VPS53: variants seen among roughly 807,000 people sequenced by gnomAD.
VPS53 encodes vacuolar protein sorting-associated protein 53 homolog.
VPS53 carries 70 observed loss-of-function variants against 107.0 expected under a neutral mutation model. The ratio of observed to expected loss-of-function variants is 0.65; its 90% CI spans 0.54 to 0.80. VPS53 has a LOEUF of 0.80. Ranked by LOEUF, VPS53 falls within the 30% of genes least tolerant of loss-of-function variation. The pLI, the probability that VPS53 is intolerant of heterozygous loss-of-function variation, is 0.00. For missense variants in VPS53, 917 were observed against 1,049.4 expected, an observed-to-expected ratio of 0.87 and a Z score of 1.74; for synonymous variants, 409 against 393.3, an observed-to-expected ratio of 1.04 and a Z score of -0.47.
rs535041887 is a variant in VPS53 at position 646,144 on chromosome 17, C to G, written c.608+7147G>C. On this transcript the variant is annotated intron_variant, in intron 7 of 21. Transcript: ENST00000437048. ...ATCTCGGTGACCGCGTGGCCTCTGC[C>G]TGATAAGGGTCTTATCTTTTCTAAT... Among the ~76,000 whole-genome samples the G allele has an allele frequency of 7.4e-5, 9 of 121,122 alleles. 1 individual carries two copies. The highest frequency in any genetic ancestry group is 2.6e-4 in the African/African-American group (9 of 35,172). The allele number at this position is 121,122 out of a possible 152,430, so 79.5% of individuals were successfully genotyped here. A position where few individuals can be genotyped will look rare whatever the true frequency, so the allele number is the denominator to read the frequency against.
intron 13 of VPS53, among the ~76,000 whole-genome samples, chr17:583,897 G>A (rs1039031251): frequency 2.9e-5 from 4 of 139,028 alleles, no homozygotes; most frequent in Non-Finnish European, 6.2e-5. Flanking sequence ...CCTCCATCAG[G>A]ACCTCATGCG....
At chr17:592,133 C>T (rs1425943259) in intron 12 of VPS53, among the ~76,000 whole-genome samples, 1 of 152,186 alleles carries the variant, frequency 6.6e-6, no homozygotes, top group South Asian at 2.1e-4. Context: ...GATCCCTTTA[C>T]CATTAAGTAA....
intron 8 of VPS53, 53 bp from the exon 9 acceptor site, chr17:628,284 C>G (rs1969803506): frequency 6.3e-7 from 1 of 1,596,768 alleles, no homozygotes; most frequent in Non-Finnish European, 8.5e-7. Context: ...CTTTAAACCT[C>G]ATGGCTTCTC....
At chr17:534,728 G>C (rs1167984564) in intron 18 of VPS53, among the ~76,000 whole-genome samples, 1 of 152,070 alleles carries the variant, frequency 6.6e-6, no homozygotes, top group African/African-American at 2.4e-5. Flanking sequence ...GACCAGCCTG[G>C]GCAACATGGC....
At chr17:667,045 A>G (rs943337160) in intron 4 of VPS53, among the ~76,000 whole-genome samples, 3 of 152,260 alleles carry the variant, frequency 2.0e-5, no homozygotes, top group Admixed American at 6.5e-5. Context: ...GGCTGTGATC[A>G]CAGAGCAGGC....
At chr17:537,807 A>G (rs1258853861) in intron 17 of VPS53, 2 of 152,254 alleles carry the variant, frequency 1.3e-5, no homozygotes, top group Non-Finnish European at 2.9e-5. Flanking sequence ...CTACTTTTGA[A>G]TATATTCAAA....
chr17:681,972 C>T (rs1245980861), intron 4 of VPS53, among the ~76,000 whole-genome samples: 1 of 152,064 alleles, frequency 6.6e-6, no homozygotes, highest in Non-Finnish European at 1.5e-5. Flanking sequence ...GCATAGGAAT[C>T]GTGGGAGATA....
chr17:552,639 T>C (rs1911947470), intron 16 of VPS53: 1 of 156,572 alleles, frequency 6.4e-6, no homozygotes, highest in South Asian at 2.0e-4. Context: ...TGGCCTTCTG[T>C]GGGTTTAGGT....
At chr17:543,267 T>C (rs956720689) in intron 17 of VPS53, among the ~76,000 whole-genome samples, 6 of 152,226 alleles carry the variant, frequency 3.9e-5, no homozygotes, top group African/African-American at 7.2e-5. Flanking sequence ...TTTTAATGAC[T>C]GAGGAAAATG....
chr17:561,273 G>A (rs1433121806), intron 14 of VPS53, among the ~76,000 whole-genome samples: 1 of 152,210 alleles, frequency 6.6e-6, no homozygotes, highest in Non-Finnish European at 1.5e-5. Flanking sequence ...CCCAGCTACT[G>A]AGTGAGTTCT....
intron 2 of VPS53, among the ~76,000 whole-genome samples, chr17:702,506 AC>A (rs1387482102): frequency 6.6e-6 from 1 of 151,968 alleles, no homozygotes; most frequent in African/African-American, 2.4e-5. Flanking sequence ...TACTAAAAAT[AC>A]AAAAAAAAAT....
At chr17:656,980 C>A in intron 5 of VPS53, 3 of 922,100 alleles carry the variant, frequency 3.3e-6, no homozygotes, top group East Asian at 2.4e-5. Context: ...CAGAAGATCC[C>A]GGGTACCTCT....
rs532249150 is a variant in VPS53 at position 635,610 on chromosome 17, C to T, written c.609-3982G>A. 1.0e-3 allele frequency among the ~76,000 whole-genome samples: 153 copies of T among 152,274 alleles called. 3 individuals are homozygous for T. The highest frequency in any genetic ancestry group is 3.6e-3 in the African/African-American group (151 of 41,556). ...GAAGGGATCCAGTTTCAGCTTTCCA[C>T]GTATGGCTAGCCAGTTTTCCCAGCA... On this transcript the variant is annotated intron_variant, in intron 7 of 21. Coordinates refer to ENST00000437048, the MANE Select transcript of VPS53 (RefSeq NM_001128159.3).
chr17:562,089 G>A (rs1050340303), intron 14 of VPS53, among the ~76,000 whole-genome samples: 1 of 152,228 alleles, frequency 6.6e-6, no homozygotes, highest in Non-Finnish European at 1.5e-5. Flanking sequence ...GGAAAAAGCA[G>A]ATTCATTCCT....
intron 5 of VPS53, among the ~76,000 whole-genome samples, chr17:659,067 C>T (rs1209214887): frequency 6.6e-6 from 1 of 151,692 alleles, no homozygotes; most frequent in Non-Finnish European, 1.5e-5. Flanking sequence ...AAGACCACCA[C>T]CACTTTACCA....
chr17:585,854 T>C (rs1967283610), intron 13 of VPS53, among the ~76,000 whole-genome samples: 1 of 152,198 alleles, frequency 6.6e-6, no homozygotes, highest in Non-Finnish European at 1.5e-5. Context: ...TGTGAAAATT[T>C]TTTGTCCTAT....
chr17:636,841 G>C (rs181195805), intron 7 of VPS53, among the ~76,000 whole-genome samples: 1 of 152,256 alleles, frequency 6.6e-6, no homozygotes, highest in East Asian at 1.9e-4. Context: ...GAGGATTTTT[G>C]TGCCAATGTT....
intron 19 of VPS53, among the ~76,000 whole-genome samples, chr17:528,705 T>C (rs1029211585): frequency 6.6e-6 from 1 of 151,558 alleles, no homozygotes; most frequent in Non-Finnish European, 1.5e-5. Flanking sequence ...TTCAAGTGAT[T>C]CTCCTGCCTC....
chr17:599,426 G>A (rs1345355737), intron 12 of VPS53, among the ~76,000 whole-genome samples: 1 of 151,800 alleles, frequency 6.6e-6, no homozygotes, highest in East Asian at 1.9e-4. Context: ...CTTCTGCCTT[G>A]GGATCCTGTT....
Sources: gnomAD v4.1 joint callset for allele counts (sites outside exome capture counted in the v4.1 genomes callset) on GRCh38, gnomAD v4.1.1 for gene constraint, MANE v1.5 for transcripts, NCBI Gene and HGNC (gene_info 2026-07-23, HGNC 2026-07-21) for gene names.